FA2H: variants seen among roughly 807,000 people sequenced by gnomAD.
FA2H encodes fatty acid alpha-hydroxylase.
Under a neutral mutation model 44.9 loss-of-function variants are expected in FA2H, and 22 were observed. That is an observed-to-expected ratio of 0.49 (90% CI 0.35 to 0.70). The LOEUF (loss-of-function observed/expected upper bound fraction) is 0.70, where lower values mean the gene tolerates loss of function less well. Among genes scored for constraint, FA2H ranks in the 30% least tolerant of loss-of-function variants. FA2H has a pLI of 0.01. For synonymous variants in FA2H, 243 were observed against 213.2 expected, an observed-to-expected ratio of 1.14 and a Z score of -1.22; for missense variants, 501 against 504.9, an observed-to-expected ratio of 0.99 and a Z score of 0.07.
chr16:74,746,378 A>AT (rs920013678), intron 1 of FA2H, among the ~76,000 whole-genome samples: 8 of 72,586 alleles, frequency 1.1e-4, no homozygotes, highest in East Asian at 3.2e-4. Context: ...TATTATTATT[A>AT]TTTTTTTTTT....
At chr16:74,731,219 C>T (rs1262104835) in intron 2 of FA2H, among the ~76,000 whole-genome samples, 3 of 150,714 alleles carry the variant, frequency 2.0e-5, no homozygotes, top group Admixed American at 6.6e-5. Flanking sequence ...TCGTAACCTC[C>T]GTCTCCTGGG....
chr16:74,739,546 G>A (rs1170272239), intron 2 of FA2H, among the ~76,000 whole-genome samples: 1 of 152,194 alleles, frequency 6.6e-6, no homozygotes, highest in Non-Finnish European at 1.5e-5. Context: ...AGGCATCTCT[G>A]ACTCCTCCCA....
chr16:74,718,779 C>T (rs1198106256), intron 5 of FA2H, among the ~76,000 whole-genome samples: 2 of 152,196 alleles, frequency 1.3e-5, no homozygotes, highest in African/African-American at 4.8e-5. Context: ...GGCCTGGGGT[C>T]AGCTTGATGC....
intron 2 of FA2H, among the ~76,000 whole-genome samples, chr16:74,728,448 A>G (rs1308431110): frequency 2.6e-5 from 4 of 152,142 alleles, no homozygotes; most frequent in Admixed American, 2.6e-4. Context: ...GGAGTTCATC[A>G]ACATGGGGGA....
chr16:74,737,934 G>A (rs937174259), intron 2 of FA2H, among the ~76,000 whole-genome samples: 5 of 152,218 alleles, frequency 3.3e-5, no homozygotes, highest in Non-Finnish European at 5.9e-5. Flanking sequence ...TCCCACTAAC[G>A]GAGCTGGGAT....
chr16:74,757,402 T>C (rs10747207), intron 1 of FA2H, among the ~76,000 whole-genome samples: 78,273 of 152,006 alleles, frequency 0.51, 20,567 homozygotes, highest in African/African-American at 0.58. Context: ...GGAGTTAAAA[T>C]TGGTACAACT....
At chr16:74,735,206 T>A (rs572596997) in intron 2 of FA2H, among the ~76,000 whole-genome samples, 84 of 152,224 alleles carry the variant, frequency 5.5e-4, no homozygotes, top group African/African-American at 1.9e-3. Flanking sequence ...GTCAGCCAGA[T>A]TGGGATCCCA....
chr16:74,726,394 CT>C lies in FA2H; in HGVS notation c.507-64del, dbSNP rs11295057. ...CAGGAGCTTGACAGAGTACAGCTTT[CT>C]TTTTTTTTTTGAGACGGAGTTTCAC... On this transcript the variant is annotated intron_variant, in intron 3 of 6. Transcript: ENST00000219368. 0.76 allele frequency: 589,295 copies of C among 775,426 alleles called. 214,563 individuals carry two copies. Among genetic ancestry groups the C allele is most frequent in the African/African-American group, 0.93 (51,737 of 55,910 alleles). The allele number at this position is 775,426 out of a possible 1,614,324, so 48.0% of individuals were successfully genotyped here.
chr16:74,715,815 C>CTTTTTT (rs536329308), intron 6 of FA2H, among the ~76,000 whole-genome samples: 3 of 136,362 alleles, frequency 2.2e-5, no homozygotes, highest in Non-Finnish European at 1.6e-5. Flanking sequence ...TCTTCTTCTT[C>CTTTTTT]TTTTTTTTTT....
intron 1 of FA2H, among the ~76,000 whole-genome samples, chr16:74,766,248 G>C (rs1962806445): frequency 6.6e-6 from 1 of 151,972 alleles, no homozygotes; most frequent in Non-Finnish European, 1.5e-5. Flanking sequence ...ACAGTGAGCT[G>C]AGATCGTGCC....
chr16:74,772,199 G>A (rs1962922951), intron 1 of FA2H, among the ~76,000 whole-genome samples: 1 of 152,140 alleles, frequency 6.6e-6, no homozygotes, highest in South Asian at 2.1e-4. Flanking sequence ...TTTATTTGCA[G>A]TCTTTTACTA....
chr16:74,767,019 A>C (rs1962821906), intron 1 of FA2H, among the ~76,000 whole-genome samples: 2 of 152,058 alleles, frequency 1.3e-5, no homozygotes. Context: ...TAGGTTAAAA[A>C]AAAAAAATTG....
intron 2 of FA2H, 45 bp from the exon 3 acceptor site, chr16:74,727,431 C>A: frequency 6.2e-7 from 1 of 1,601,502 alleles, no homozygotes; most frequent in Non-Finnish European, 8.6e-7. Context: ...TCACGTCTTC[C>A]CATATTCGTT....
At chr16:74,773,097 A>G (rs1962937707) in intron 1 of FA2H, among the ~76,000 whole-genome samples, 1 of 152,014 alleles carries the variant, frequency 6.6e-6, no homozygotes, top group Non-Finnish European at 1.5e-5. Context: ...GCTGGTCTTG[A>G]ACTCCTGGGC....
At chr16:74,765,972 A>G (rs1852565109) in intron 1 of FA2H, among the ~76,000 whole-genome samples, 1 of 152,200 alleles carries the variant, frequency 6.6e-6, no homozygotes, top group Admixed American at 6.5e-5. Context: ...AGACAAAACA[A>G]TAGGGAAGAC....
chr16:74,753,105 C>T (rs535868854), intron 1 of FA2H, among the ~76,000 whole-genome samples: 6 of 152,358 alleles, frequency 3.9e-5, no homozygotes, highest in African/African-American at 1.4e-4. Context: ...TCCCTGCGTC[C>T]TGTTCCACAG....
chr16:74,715,343 G>T (rs1383139943), intron 6 of FA2H, among the ~76,000 whole-genome samples: 8 of 152,196 alleles, frequency 5.3e-5, no homozygotes, highest in African/African-American at 4.8e-5. Flanking sequence ...CCAGGCTGGG[G>T]TGCAGTGGCA....
At position 74,740,089 on chromosome 16, in the gene FA2H, G is replaced by A; in HGVS notation, c.297C>T (p.Ala99=). 2.5e-6 allele frequency: 4 copies of A among 1,613,872 alleles called. 1 individual carries two copies. In the South Asian group the frequency reaches 4.4e-5, roughly 18 times the overall value. ...QQGSMENEPV[A]LEETQKTDPA... ...GATCTGTCTTCTGAGTTTCCTCAAG[G>A]GCTACAGGCTCGTTCTCCATGGAGC... is the stretch of plus-strand genomic sequence containing the variant. Residue 99 remains alanine, a synonymous_variant, in exon 2 of 7, where the codon GCC becomes GCT. Coordinates refer to ENST00000219368, the MANE Select transcript of FA2H (RefSeq NM_024306.5).
intron 1 of FA2H, among the ~76,000 whole-genome samples, chr16:74,757,704 G>A (rs1302675039): frequency 6.6e-6 from 1 of 152,196 alleles, no homozygotes; most frequent in Non-Finnish European, 1.5e-5. Flanking sequence ...ATTCCTTTAT[G>A]TGAGAAATAA....
Sources: allele counts gnomAD v4.1 joint callset (sites outside exome capture counted in the v4.1 genomes callset), GRCh38; gene constraint gnomAD v4.1.1; transcripts MANE v1.5; gene names NCBI Gene and HGNC (gene_info 2026-07-23, HGNC 2026-07-21).